Variants in PCSK2 observed in about 807,000 individuals in gnomAD.
PCSK2 encodes the protein neuroendocrine convertase 2.
In PCSK2, 14 loss-of-function variants were observed where a neutral mutation model predicts 69.7. That is an observed-to-expected ratio of 0.20 (90% CI 0.13 to 0.31). The LOEUF (loss-of-function observed/expected upper bound fraction) is 0.31. Among genes scored for constraint, PCSK2 ranks in the 10% least tolerant of loss-of-function variants. The pLI, the probability that PCSK2 is intolerant of heterozygous loss-of-function variation, is 1.00. For missense variants in PCSK2, 544 were observed against 842.5 expected, an observed-to-expected ratio of 0.65 and a Z score of 4.39; for synonymous variants, 307 against 320.7, an observed-to-expected ratio of 0.96 and a Z score of 0.46.
chr20:17,302,725 G>A (rs1989126710), intron 2 of PCSK2, among the ~76,000 whole-genome samples: 1 of 152,134 alleles, frequency 6.6e-6, no homozygotes, highest in African/African-American at 2.4e-5. Context: ...AATGAGATTT[G>A]TTTGACCCCA....
Position 17,482,067 on chromosome 20 carries a change from C to A in PCSK2, c.1914C>A (p.Asn638Lys). Residue 638 changes from asparagine to lysine, a missense_variant, in exon 12 of 12, where the codon AAC (asparagine) becomes AAA (lysine). Asn to Lys is a moderately conservative substitution (Grantham distance 94). Around this residue, in one of 3 missense-constraint regions of PCSK2, gnomAD observed 200 missense variants for 287.8 expected, o/e 0.69. Coordinates refer to ENST00000262545, the MANE Select transcript of PCSK2 (RefSeq NM_002594.5). Reference sequence around the variant, plus strand: ...GCCTGAAAAGCATCCTTAACAAGAACTAGCGCTGCACATCCGCCTTTCCCA... The same window carrying A: ...GCCTGAAAAGCATCCTTAACAAGAAATAGCGCTGCACATCCGCCTTTCCCA... ...ERSLKSILNK[N>K] 1 of 1,575,450 alleles carries A rather than the reference C, an allele frequency of 6.3e-7. No homozygotes were observed. The highest frequency in any genetic ancestry group is 1.2e-5 in the South Asian group (1 of 84,486).
At position 17,265,938 on chromosome 20, in the gene PCSK2, G is replaced by A. The variant is rs191227384; in HGVS notation, c.282+5594G>A. 1.8e-4 allele frequency among the ~76,000 whole-genome samples: 28 copies of A among 152,292 alleles called. No homozygotes were observed. In the South Asian group the frequency reaches 3.9e-3, roughly 21 times the overall value. ...AACTGATAGGAAGAAAATAAAACTC[G>A]TGACTCCTCTCAATACGAAGTCTGA... On this transcript the variant is annotated intron_variant, in intron 2 of 11. Coordinates refer to ENST00000262545, the MANE Select transcript of PCSK2 (RefSeq NM_002594.5).
chr20:17,438,529 T>C (rs1457518169), intron 8 of PCSK2, among the ~76,000 whole-genome samples: 1 of 152,028 alleles, frequency 6.6e-6, no homozygotes, highest in Non-Finnish European at 1.5e-5. Flanking sequence ...GGGGCAGGTA[T>C]GGAATTAATG....
At chr20:17,298,672 C>T (rs930136069) in intron 2 of PCSK2, among the ~76,000 whole-genome samples, 12 of 151,936 alleles carry the variant, frequency 7.9e-5, no homozygotes, top group African/African-American at 2.9e-4. Flanking sequence ...GTTTATCCCT[C>T]GACGGGCTAG....
intron 2 of PCSK2, among the ~76,000 whole-genome samples, chr20:17,289,769 T>C (rs1160467204): frequency 6.6e-6 from 1 of 152,210 alleles, no homozygotes; most frequent in Non-Finnish European, 1.5e-5. Flanking sequence ...CTTTCCTTTA[T>C]AATATAGCTT....
chr20:17,345,711 C>A (rs576725749), intron 2 of PCSK2, among the ~76,000 whole-genome samples: 1 of 152,300 alleles, frequency 6.6e-6, no homozygotes, highest in East Asian at 1.9e-4. Context: ...AAACCCAGTT[C>A]TTTCTTACTT....
intron 4 of PCSK2, among the ~76,000 whole-genome samples, chr20:17,365,884 G>A (rs188213121): frequency 2.5e-3 from 383 of 152,242 alleles, no homozygotes; most frequent in African/African-American, 8.7e-3. Context: ...CCTAATGACC[G>A]CTCCCCCATG....
intron 2 of PCSK2, among the ~76,000 whole-genome samples, chr20:17,292,574 C>T (rs1300475457): frequency 6.6e-6 from 1 of 152,070 alleles, no homozygotes; most frequent in African/African-American, 2.4e-5. Context: ...GGTTTAAAAT[C>T]AAATATTTGG....
chr20:17,382,067 G>C (rs1044679117), intron 5 of PCSK2, among the ~76,000 whole-genome samples: 3 of 146,772 alleles, frequency 2.0e-5, no homozygotes, highest in African/African-American at 7.4e-5. Flanking sequence ...GGGGAGTTTT[G>C]ACTTGTTGCT....
At chr20:17,249,424 G>A (rs140024875) in intron 1 of PCSK2, among the ~76,000 whole-genome samples, 2,465 of 147,020 alleles carry the variant, frequency 0.017, 67 homozygotes, top group African/African-American at 0.058. Flanking sequence ...GGAGAATGGC[G>A]TTAACCTGGG....
chr20:17,362,994 C>A (rs568909700), intron 4 of PCSK2, among the ~76,000 whole-genome samples: 1 of 152,354 alleles, frequency 6.6e-6, no homozygotes, highest in South Asian at 2.1e-4. Context: ...CATTCTCTCT[C>A]TTAACGACCT....
intron 5 of PCSK2, among the ~76,000 whole-genome samples, chr20:17,385,797 G>A (rs2031219385): frequency 2.0e-5 from 3 of 152,136 alleles, no homozygotes; most frequent in Admixed American, 2.0e-4. Flanking sequence ...CCTACTGTGG[G>A]CAACAGGAGC....
At chr20:17,441,085 T>G (rs530422096) in intron 8 of PCSK2, among the ~76,000 whole-genome samples, 5 of 152,122 alleles carry the variant, frequency 3.3e-5, no homozygotes, top group African/African-American at 4.8e-5. Flanking sequence ...GCTCTCCAAC[T>G]CACCCTTCCC....
intron 4 of PCSK2, among the ~76,000 whole-genome samples, chr20:17,365,447 G>A (rs2030557866): frequency 6.6e-6 from 1 of 152,094 alleles, no homozygotes; most frequent in East Asian, 1.9e-4. Context: ...CTGCCCGCAA[G>A]CACCACCCCC....
At chr20:17,434,696 G>T (rs371194827) in intron 7 of PCSK2, among the ~76,000 whole-genome samples, 1 of 152,268 alleles carries the variant, frequency 6.6e-6, no homozygotes, top group South Asian at 2.1e-4. Context: ...TTGGTTTGTG[G>T]GGCAGCAGAA....
chr20:17,478,134 A>G (rs920334229), intron 11 of PCSK2, among the ~76,000 whole-genome samples: 5 of 152,212 alleles, frequency 3.3e-5, no homozygotes, highest in African/African-American at 1.2e-4. Context: ...AATTACATCT[A>G]TCATTCTGTC....
chr20:17,359,690 A>C (rs2030324751), intron 3 of PCSK2, among the ~76,000 whole-genome samples: 1 of 152,364 alleles, frequency 6.6e-6, no homozygotes, highest in South Asian at 2.1e-4. Context: ...AAGAAAGAGC[A>C]CAGTAAATTT....
intron 1 of PCSK2, among the ~76,000 whole-genome samples, chr20:17,250,015 T>C (rs1986915560): frequency 6.6e-6 from 1 of 152,210 alleles, no homozygotes; most frequent in African/African-American, 2.4e-5. Context: ...TTTATCACAA[T>C]AAAAACATTA....
intron 2 of PCSK2, among the ~76,000 whole-genome samples, chr20:17,269,517 C>T (rs1987775207): frequency 6.6e-6 from 1 of 151,944 alleles, no homozygotes; most frequent in Non-Finnish European, 1.5e-5. Flanking sequence ...TTCACTTTTC[C>T]CCTCTCTGAT....
Sources: gnomAD v4.1 joint callset for allele counts (sites outside exome capture counted in the v4.1 genomes callset) on GRCh38, gnomAD v4.1.1 for gene constraint, gnomAD v4.1.1 regional missense constraint, MANE v1.5 for transcripts, NCBI Gene and HGNC (gene_info 2026-07-23, HGNC 2026-07-21) for gene names.